KCNAB2: variants seen among roughly 807,000 people sequenced by gnomAD.
KCNAB2 encodes the protein potassium voltage-gated channel subfamily A regulatory beta subunit 2.
A neutral mutation model predicts 63.6 loss-of-function variants in KCNAB2; 29 were observed. That is an observed-to-expected ratio of 0.46 (90% confidence interval 0.34 to 0.62). The LOEUF (loss-of-function observed/expected upper bound fraction) is 0.62. KCNAB2 is among the 20% of genes least tolerant of loss of function. The pLI is 0.01. For synonymous variants in KCNAB2, 222 were observed against 224.2 expected, an observed-to-expected ratio of 0.99 and a Z score of 0.09; for missense variants, 359 against 563.9, an observed-to-expected ratio of 0.64 and a Z score of 3.68.
intron 1 of KCNAB2, among the ~76,000 whole-genome samples, chr1:6,025,528 C>T (rs952342311): frequency 2.0e-5 from 3 of 152,148 alleles, no homozygotes; most frequent in African/African-American, 7.2e-5. Context: ...GGAGAGGCCG[C>T]GGGGAGGGAG....
At chr1:6,091,004 C>A (rs1212552321) in intron 9 of KCNAB2, among the ~76,000 whole-genome samples, 1 of 152,260 alleles carries the variant, frequency 6.6e-6, no homozygotes, top group Non-Finnish European at 1.5e-5. Context: ...TCCGCTCCCC[C>A]ATCCTCCTGC....
chr1:6,070,213 C>T (rs1197369635), intron 2 of KCNAB2, among the ~76,000 whole-genome samples: 1 of 152,138 alleles, frequency 6.6e-6, no homozygotes, highest in East Asian at 1.9e-4. Flanking sequence ...TGAGGGCATT[C>T]GTATCTAGGC....
intron 10 of KCNAB2, among the ~76,000 whole-genome samples, chr1:6,091,715 C>T (rs1557511213): frequency 6.6e-6 from 1 of 152,094 alleles, no homozygotes; most frequent in Admixed American, 6.5e-5. Context: ...AACACGCGGC[C>T]CCCCACCGAG....
chr1:6,080,171 C>A (rs1355668902), intron 4 of KCNAB2, among the ~76,000 whole-genome samples: 1 of 152,202 alleles, frequency 6.6e-6, no homozygotes, highest in Non-Finnish European at 1.5e-5. Context: ...CCCTTCGGGG[C>A]CCAGCGCACC....
Position 6,051,610 on chromosome 1 carries a change from C to G in KCNAB2, c.74C>G (p.Pro25Arg), listed in dbSNP as rs1172927287. Residue 25 changes from proline to arginine, a missense_variant, in exon 2 of 16, where the codon CCC (proline) becomes CGC (arginine). Around this residue, in one of 2 missense-constraint regions of KCNAB2, gnomAD observed 88 missense variants for 87.8 expected, o/e 1.00. Transcript: ENST00000378083. ...TGCCACTCTGAATGGGCCCTGCACC[C>G]CGTCCGCCAGACGGACACGCTGGAA... ...SRCHSEWALH[P>R]VRQTDTLELQ... 20 of 1,534,756 alleles carry G rather than the reference C, an allele frequency of 1.3e-5. No homozygotes were observed. Among genetic ancestry groups the G allele is most frequent in the Non-Finnish European group, 1.6e-5 (18 of 1,146,674 alleles).
Position 6,046,173 on chromosome 1 carries a change from C to A in KCNAB2, c.-37C>A, listed in dbSNP as rs1351322063. 3.0e-6 allele frequency: 3 copies of A among 985,314 alleles called. No homozygotes were observed. Among genetic ancestry groups the A allele is most frequent in the Non-Finnish European group, 3.6e-6 (3 of 829,936 alleles). 61.0% of individuals were successfully genotyped at this position (985,314 alleles called of 1,614,324 possible). ...GGCCTTTTTAACGAGCAGACGCCCC[C>A]ACGAAGGCAGGTGAGTCCTCCCTTC... On this transcript the variant is annotated 5_prime_UTR_variant, in exon 1 of 16. Coordinates refer to ENST00000378083, the MANE Select transcript of KCNAB2 (RefSeq NM_001199862.2).
At chr1:5,996,031 T>C (rs1246900539) in intron 1 of KCNAB2, 1 of 152,338 alleles carries the variant, frequency 6.6e-6, no homozygotes, top group Non-Finnish European at 1.5e-5. Flanking sequence ...ACACTGCTCT[T>C]TCCTTGGTGA....
intron 4 of KCNAB2, among the ~76,000 whole-genome samples, chr1:6,079,014 T>C (rs1004914859): frequency 3.3e-5 from 5 of 152,122 alleles, no homozygotes; most frequent in Non-Finnish European, 7.4e-5. Flanking sequence ...CGGGTCAGAT[T>C]CTGGACTAAT....
chr1:6,059,644 T>C (rs1662140182), intron 2 of KCNAB2, among the ~76,000 whole-genome samples: 1 of 152,128 alleles, frequency 6.6e-6, no homozygotes, highest in South Asian at 2.1e-4. Context: ...AGGGTGCTTC[T>C]GAGGACAGAA....
rs1017584674 is a variant in KCNAB2 at position 6,048,716 on chromosome 1, G to T, written c.-27+2533G>T. Among the ~76,000 whole-genome samples the T allele has an allele frequency of 3.3e-5, 5 of 152,252 alleles. No individual in the cohort carries two copies. In the East Asian group the frequency reaches 9.6e-4, roughly 29 times the overall value. On this transcript the variant is annotated intron_variant, in intron 1 of 15. Transcript: ENST00000378083. ...AGAAAGAGCCCTGGGGCTACAGCCT[G>T]CCCAGCTGGCCTTCTTTCTAAACAC...
At chr1:6,082,084 G>A (rs992109306) in intron 4 of KCNAB2, 111 bp from the exon 5 acceptor site, 9 of 857,164 alleles carry the variant, frequency 1.0e-5, no homozygotes, top group East Asian at 2.5e-5. Flanking sequence ...TGTCGGGCCC[G>A]GGAGGGCAGG....
chr1:6,059,659 G>A (rs1295366494), intron 2 of KCNAB2, among the ~76,000 whole-genome samples: 5 of 152,114 alleles, frequency 3.3e-5, no homozygotes, highest in Admixed American at 3.3e-4. Context: ...ACAGAAGGAG[G>A]AAGAGAAAGA....
intron 6 of KCNAB2, chr1:6,085,944 G>A (rs1664662733): frequency 1.0e-6 from 1 of 985,456 alleles, no homozygotes; most frequent in African/African-American, 1.7e-5. Context: ...CGGGTGTGAT[G>A]GAGCCCAAAG....
chr1:6,062,772 G>T (rs1206345074), intron 2 of KCNAB2, among the ~76,000 whole-genome samples: 2 of 152,216 alleles, frequency 1.3e-5, no homozygotes, highest in African/African-American at 4.8e-5. Context: ...GGGTTTTCAG[G>T]CAGGTGACTT....
chr1:6,083,283 C>T (rs964931855), intron 5 of KCNAB2, among the ~76,000 whole-genome samples: 1 of 152,184 alleles, frequency 6.6e-6, no homozygotes, highest in African/African-American at 2.4e-5. Flanking sequence ...CACCTCCCGT[C>T]CCGAGCCCCC....
chr1:6,033,364 T>G (rs964585124), upstream of KCNAB2, among the ~76,000 whole-genome samples: 1 of 151,242 alleles, frequency 6.6e-6, no homozygotes, highest in African/African-American at 2.4e-5. Flanking sequence ...TGTGGGTGTG[T>G]GTGCATATGT....
intron 1 of KCNAB2, among the ~76,000 whole-genome samples, chr1:6,010,117 TC>T (rs1328380402): frequency 2.0e-5 from 3 of 152,170 alleles, no homozygotes; most frequent in Non-Finnish European, 4.4e-5. Flanking sequence ...CCCCAAGTGA[TC>T]CACCCGCCTC....
chr1:6,084,001 A>G (rs985258367), intron 5 of KCNAB2, among the ~76,000 whole-genome samples: 2 of 152,208 alleles, frequency 1.3e-5, no homozygotes, highest in Non-Finnish European at 2.9e-5. Context: ...GGACCAAGGA[A>G]TAAAAGGAAG....
At chr1:6,084,549 C>T (rs991472246) in intron 5 of KCNAB2, among the ~76,000 whole-genome samples, 2 of 152,224 alleles carry the variant, frequency 1.3e-5, no homozygotes, top group Non-Finnish European at 2.9e-5. Context: ...GGCGCGGTGG[C>T]TCACGCCTGG....
Sources: allele counts gnomAD v4.1 joint callset (sites outside exome capture counted in the v4.1 genomes callset), GRCh38; gene constraint gnomAD v4.1.1; regional missense constraint gnomAD v4.1.1; transcripts MANE v1.5; gene names NCBI Gene and HGNC (gene_info 2026-07-23, HGNC 2026-07-21).